NEGR1: variants seen among roughly 807,000 people sequenced by gnomAD.
The protein encoded by NEGR1 is neuronal growth regulator 1, also known as IgLON family member 4.
A neutral mutation model predicts 40.9 loss-of-function variants in NEGR1; 10 were observed. The ratio of observed to expected loss-of-function variants is 0.24; its 90% CI spans 0.15 to 0.42. NEGR1 has a LOEUF of 0.42. Ranked by LOEUF, NEGR1 falls within the 10% of genes least tolerant of loss-of-function variation. NEGR1 has a pLI of 1.00. For synonymous variants in NEGR1, 185 were observed against 166.8 expected (o/e 1.11, Z -0.84); for missense variants, 352 against 438.9 (o/e 0.80, Z 1.77).
intron 1 of NEGR1, chr1:72,275,003 C>G: frequency 6.5e-7 from 1 of 1,546,734 alleles, no homozygotes; most frequent in Admixed American, 1.7e-5. Flanking sequence ...ACTGTGGAAA[C>G]CAAGGAGCCT....
intron 2 of NEGR1, among the ~76,000 whole-genome samples, chr1:71,925,290 C>A (rs1395225707): frequency 3.9e-5 from 6 of 152,130 alleles, no homozygotes; most frequent in African/African-American, 1.4e-4. Context: ...GTTTAAGGGC[C>A]ACTTGTCCAA....
intron 3 of NEGR1, among the ~76,000 whole-genome samples, chr1:71,763,608 T>C (rs756453520): frequency 2.2e-4 from 33 of 152,308 alleles, no homozygotes; most frequent in South Asian, 8.3e-4. Context: ...TACCTCTCCC[T>C]CATTGCCTAT....
chr1:71,676,868 G>A (rs1339801808), intron 4 of NEGR1, among the ~76,000 whole-genome samples: 1 of 152,194 alleles, frequency 6.6e-6, no homozygotes, highest in East Asian at 1.9e-4. Context: ...AATGATAAAT[G>A]TCATGACTGG....
At chr1:71,472,163 TC>T (rs1646786951) in intron 6 of NEGR1, among the ~76,000 whole-genome samples, 1 of 152,140 alleles carries the variant, frequency 6.6e-6, no homozygotes, top group Non-Finnish European at 1.5e-5. Context: ...TACTTTAAGA[TC>T]TATCATTGAG....
chr1:71,823,108 C>T lies in NEGR1; in HGVS notation c.410-46811G>A, dbSNP rs149406737. 1.3e-3 allele frequency among the ~76,000 whole-genome samples: 203 copies of T among 151,898 alleles called. 1 individual carries two copies. The highest frequency in any genetic ancestry group is 4.7e-3 in the African/African-American group (194 of 41,496). Reference sequence around the variant, plus strand: ...CCTCTATGTAAACATGGAAGCTGCCCTTGATCTCTACAATGCATACTTCGG... The same window carrying T: ...CCTCTATGTAAACATGGAAGCTGCCTTTGATCTCTACAATGCATACTTCGG... On this transcript the variant is annotated intron_variant, in intron 2 of 6. Coordinates refer to ENST00000357731, the MANE Select transcript of NEGR1 (RefSeq NM_173808.3).
intron 2 of NEGR1, among the ~76,000 whole-genome samples, chr1:71,858,139 C>T (rs1182259213): frequency 6.6e-6 from 1 of 152,078 alleles, no homozygotes; most frequent in Non-Finnish European, 1.5e-5. Context: ...TGCAGCAACA[C>T]AAACACATTT....
At chr1:72,250,153 A>G (rs966834032) in intron 1 of NEGR1, among the ~76,000 whole-genome samples, 2 of 152,142 alleles carry the variant, frequency 1.3e-5, no homozygotes, top group African/African-American at 4.8e-5. Flanking sequence ...TTTCCCAAAG[A>G]AGAAGAAATC....
chr1:71,791,994 A>T (rs946650711), intron 2 of NEGR1, among the ~76,000 whole-genome samples: 1 of 152,152 alleles, frequency 6.6e-6, no homozygotes, highest in African/African-American at 2.4e-5. Context: ...TTAGCTTTAC[A>T]GCTCAACTTG....
intron 2 of NEGR1, among the ~76,000 whole-genome samples, chr1:71,894,944 G>A (rs1189382987): frequency 6.6e-6 from 1 of 151,984 alleles, no homozygotes; most frequent in African/African-American, 2.4e-5. Flanking sequence ...TTAAAAGGAA[G>A]GAAAAGAAAG....
chr1:71,664,470 G>A (rs1652172536), intron 4 of NEGR1, among the ~76,000 whole-genome samples: 1 of 151,768 alleles, frequency 6.6e-6, no homozygotes, highest in African/African-American at 2.4e-5. Context: ...GTTTTCCATG[G>A]CCTCCCTCTC....
chr1:71,934,617 T>G (rs1645886732), intron 2 of NEGR1, among the ~76,000 whole-genome samples: 1 of 152,148 alleles, frequency 6.6e-6, no homozygotes, highest in Non-Finnish European at 1.5e-5. Context: ...CTATTGTAGG[T>G]TTCAAACATT....
intron 6 of NEGR1, among the ~76,000 whole-genome samples, chr1:71,550,158 G>A (rs977368790): frequency 3.3e-5 from 5 of 151,386 alleles, no homozygotes; most frequent in African/African-American, 7.3e-5. Flanking sequence ...TTTTAGCCTC[G>A]TCATCCTTTG....
At chr1:71,622,361 T>A (rs779325251) in intron 4 of NEGR1, among the ~76,000 whole-genome samples, 24 of 152,058 alleles carry the variant, frequency 1.6e-4, no homozygotes, top group Admixed American at 3.9e-4. Context: ...ATCTTGTAAA[T>A]AAAATTGCCC....
intron 6 of NEGR1, among the ~76,000 whole-genome samples, chr1:71,495,118 G>A (rs1357186122): frequency 6.6e-6 from 1 of 152,156 alleles, no homozygotes; most frequent in African/African-American, 2.4e-5. Flanking sequence ...TTAATTGGCT[G>A]TTTATATTAT....
At chr1:71,849,847 G>A (rs964994539) in intron 2 of NEGR1, among the ~76,000 whole-genome samples, 9 of 152,014 alleles carry the variant, frequency 5.9e-5, no homozygotes, top group Non-Finnish European at 1.2e-4. Context: ...TTTAATTAAG[G>A]TGTGTACATT....
At chr1:71,811,101 A>G (rs914137786) in intron 2 of NEGR1, among the ~76,000 whole-genome samples, 1 of 152,156 alleles carries the variant, frequency 6.6e-6, no homozygotes, top group Non-Finnish European at 1.5e-5. Context: ...CATCTTCATT[A>G]GAACTTTAGG....
intron 2 of NEGR1, among the ~76,000 whole-genome samples, chr1:71,904,462 G>A (rs917031115): frequency 6.6e-6 from 1 of 152,026 alleles, no homozygotes; most frequent in Admixed American, 6.6e-5. Context: ...GAGACAGAAT[G>A]TCTGATAAAG....
chr1:71,482,072 A>C lies in NEGR1; in HGVS notation c.941-74502T>G, dbSNP rs1027002020. Among the ~76,000 whole-genome samples, 9 of 151,792 alleles carry C rather than the reference A, an allele frequency of 5.9e-5. No homozygotes were observed. In the East Asian group the frequency reaches 1.8e-3, roughly 30 times the overall value. On this transcript the variant is annotated intron_variant, in intron 6 of 6. Coordinates refer to ENST00000357731, the MANE Select transcript of NEGR1 (RefSeq NM_173808.3). ...CATTACCAGCACTAGGTCTTTTGATATTGATGAAACACTGAAACAAGAGCA... is the reference window on the plus strand; with the variant it reads ...CATTACCAGCACTAGGTCTTTTGATCTTGATGAAACACTGAAACAAGAGCA...
At chr1:71,501,499 A>G (rs752937580) in intron 6 of NEGR1, among the ~76,000 whole-genome samples, 1 of 152,192 alleles carries the variant, frequency 6.6e-6, no homozygotes, top group African/African-American at 2.4e-5. Flanking sequence ...TCTATGTTCT[A>G]TAACCTAACT....
Sources: gnomAD v4.1 joint callset for allele counts (sites outside exome capture counted in the v4.1 genomes callset) on GRCh38, gnomAD v4.1.1 for gene constraint, MANE v1.5 for transcripts, NCBI Gene and HGNC (gene_info 2026-07-23, HGNC 2026-07-21) for gene names.